The following PRSS12 variants were observed in gnomAD, a reference collection of about 807,000 sequenced individuals.
PRSS12 encodes the protein serine protease 12.
In PRSS12, 85 loss-of-function variants were observed where a neutral mutation model predicts 104.4. The ratio of observed to expected loss-of-function variants is 0.81; its 90% CI spans 0.68 to 0.98. PRSS12 has a LOEUF of 0.98. Among genes scored for constraint, PRSS12 ranks in the 50% least tolerant of loss-of-function variants. PRSS12 has a pLI of 0.00. For missense variants in PRSS12, 1,141 were observed against 1,139.2 expected (o/e 1.00, Z -0.02); for synonymous variants, 454 against 425.2 (o/e 1.07, Z -0.83).
At chr4:118,321,103 A>G (rs991431793) in intron 4 of PRSS12, among the ~76,000 whole-genome samples, 5 of 152,214 alleles carry the variant, frequency 3.3e-5, no homozygotes, top group African/African-American at 4.8e-5. Flanking sequence ...TTGGAATTCT[A>G]ACACATATAA....
intron 4 of PRSS12, among the ~76,000 whole-genome samples, chr4:118,323,345 T>C (rs892133922): frequency 3.9e-5 from 6 of 151,944 alleles, no homozygotes; most frequent in Non-Finnish European, 7.4e-5. Flanking sequence ...GTATAATTCA[T>C]TGAGCCATGA....
intron 4 of PRSS12, among the ~76,000 whole-genome samples, chr4:118,327,468 G>A (rs788653): frequency 6.6e-6 from 1 of 151,888 alleles, no homozygotes; most frequent in African/African-American, 2.4e-5. Flanking sequence ...AATTTTTAAA[G>A]AGTAATTTAT....
intron 3 of PRSS12, among the ~76,000 whole-genome samples, chr4:118,333,457 A>C (rs964134517): frequency 6.6e-6 from 1 of 152,242 alleles, no homozygotes; most frequent in African/African-American, 2.4e-5. Flanking sequence ...ATTAGTGACT[A>C]TCTGCATATA....
At chr4:118,294,900 A>G in intron 11 of PRSS12, 39 bp downstream of exon 11, 2 of 1,613,018 alleles carry the variant, frequency 1.2e-6, no homozygotes, top group Non-Finnish European at 1.7e-6. Context: ...ACTGATGAAT[A>G]GAAGCTACAC....
chr4:118,308,797 T>C (rs1183419531), intron 7 of PRSS12, among the ~76,000 whole-genome samples: 1 of 152,198 alleles, frequency 6.6e-6, no homozygotes, highest in Non-Finnish European at 1.5e-5. Context: ...CAACCTTGTA[T>C]CCCCAGACTG....
intron 8 of PRSS12, among the ~76,000 whole-genome samples, chr4:118,307,950 C>G (rs575777125): frequency 6.6e-6 from 1 of 151,918 alleles, no homozygotes; most frequent in South Asian, 2.1e-4. Context: ...CAACTGTTAA[C>G]AAGTATGAAA....
chr4:118,299,143 T>C (rs1052009713), intron 8 of PRSS12, among the ~76,000 whole-genome samples: 1 of 152,232 alleles, frequency 6.6e-6, no homozygotes, highest in Non-Finnish European at 1.5e-5. Flanking sequence ...ACAGCTACTT[T>C]ATTACATCAC....
chr4:118,342,979 T>C (rs1002969299), intron 1 of PRSS12, among the ~76,000 whole-genome samples: 3 of 152,152 alleles, frequency 2.0e-5, no homozygotes, highest in Non-Finnish European at 4.4e-5. Flanking sequence ...GGGACAGGCA[T>C]TCAAGAAGAG....
intron 1 of PRSS12, among the ~76,000 whole-genome samples, chr4:118,351,703 A>T (rs1056971239): frequency 2.0e-5 from 3 of 152,178 alleles, no homozygotes; most frequent in Non-Finnish European, 4.4e-5. Context: ...CATACTTTTT[A>T]AAACAGAGGT....
intron 12 of PRSS12, 74 bp downstream of exon 12, chr4:118,282,757 G>A: frequency 6.3e-7 from 1 of 1,589,098 alleles, no homozygotes; most frequent in Non-Finnish European, 8.6e-7. Context: ...AGATCTTATT[G>A]CCCATTGCAC....
At chr4:118,325,059 C>T (rs1452933672) in intron 4 of PRSS12, among the ~76,000 whole-genome samples, 1 of 152,050 alleles carries the variant, frequency 6.6e-6, no homozygotes, top group Non-Finnish European at 1.5e-5. Context: ...ATGCCAATAT[C>T]TCTTTATCTA....
At chr4:118,284,934 G>A (rs940710559) in intron 11 of PRSS12, among the ~76,000 whole-genome samples, 1 of 152,118 alleles carries the variant, frequency 6.6e-6, no homozygotes, top group African/African-American at 2.4e-5. Context: ...ACTTAGAACT[G>A]AGTTGGTATT....
chr4:118,332,717 T>G (rs543555961), intron 3 of PRSS12, among the ~76,000 whole-genome samples: 20 of 152,206 alleles, frequency 1.3e-4, no homozygotes, highest in Non-Finnish European at 2.4e-4. Flanking sequence ...GTACCTAGTA[T>G]ACAGAGGCAT....
rs763641830 is a variant in PRSS12, at chr4:118,335,671, T to C, written c.642-20A>G. ...TTTCCTCTGGAAGTACAATGAGCGA[T>C]ATTAGGTTTATCAAATGTAGGCAAA... On this transcript the variant is annotated intron_variant, in intron 2 of 12. Coordinates refer to ENST00000296498, the MANE Select transcript of PRSS12 (RefSeq NM_003619.4). 9 of 1,612,190 alleles carry C rather than the reference T, an allele frequency of 5.6e-6. No homozygotes were observed. In the Admixed American group the frequency reaches 1.3e-4, roughly 24 times the overall value.
At chr4:118,349,826 A>C (rs1050018866) in intron 1 of PRSS12, among the ~76,000 whole-genome samples, 9 of 152,004 alleles carry the variant, frequency 5.9e-5, no homozygotes, top group African/African-American at 2.2e-4. Context: ...AACATGGTGA[A>C]ACCCCATCTC....
At chr4:118,300,099 C>A (rs1182626296) in intron 8 of PRSS12, among the ~76,000 whole-genome samples, 1 of 151,860 alleles carries the variant, frequency 6.6e-6, no homozygotes, top group African/African-American at 2.4e-5. Flanking sequence ...CAGCCTTGAA[C>A]TCTTGGGCTC....
chr4:118,293,469 A>G (rs1560765677), intron 11 of PRSS12, among the ~76,000 whole-genome samples: 1 of 152,160 alleles, frequency 6.6e-6, no homozygotes, highest in Non-Finnish European at 1.5e-5. Flanking sequence ...ACAGTTTTGT[A>G]AGAAAAAGGC....
At chr4:118,346,691 C>T (rs541817036) in intron 1 of PRSS12, among the ~76,000 whole-genome samples, 2 of 152,184 alleles carry the variant, frequency 1.3e-5, no homozygotes, top group Admixed American at 6.5e-5. Flanking sequence ...TATTTACAGC[C>T]ACTCCCCATC....
At position 118,331,875 on chromosome 4, in the gene PRSS12, T is replaced by C. The variant is rs1223974860; in HGVS notation, c.821-9A>G. On this transcript the variant is annotated splice_polypyrimidine_tract_variant and intron_variant, in intron 3 of 12. Coordinates refer to ENST00000296498, the MANE Select transcript of PRSS12 (RefSeq NM_003619.4). ...GATGGGGAACGTTGGGCCTGTGCAA[T>C]GTGAAGTTAAAAATAAGCAAAACCT... 3.1e-6 allele frequency: 5 copies of C among 1,613,688 alleles called. No homozygotes were observed. Among genetic ancestry groups the C allele is most frequent in the African/African-American group, 1.3e-5 (1 of 74,910 alleles).
Sources: gnomAD v4.1 joint callset for allele counts (sites outside exome capture counted in the v4.1 genomes callset) on GRCh38, gnomAD v4.1.1 for gene constraint, MANE v1.5 for transcripts, NCBI Gene and HGNC (gene_info 2026-07-23, HGNC 2026-07-21) for gene names.